The following TAF1B variants were observed in gnomAD, a reference collection of about 807,000 sequenced individuals.
TAF1B encodes TATA-box binding protein associated factor, RNA polymerase I subunit B.
In TAF1B, 61 loss-of-function variants were observed where a neutral mutation model predicts 83.9. The observed-to-expected ratio is 0.73, with a 90% CI of 0.59 to 0.90. The LOEUF (loss-of-function observed/expected upper bound fraction) is 0.90, where lower values mean the gene tolerates loss of function less well. Ranked by LOEUF, TAF1B falls within the 40% of genes least tolerant of loss-of-function variation. The probability of loss-of-function intolerance (pLI) is 0.00; values close to 1 mark genes in which losing one functional copy is unlikely to be tolerated. For missense variants in TAF1B, 625 were observed against 677.0 expected (o/e 0.92, Z 0.85); for synonymous variants, 221 against 224.6 (o/e 0.98, Z 0.14).
chr2:9,877,943 C>G (rs772759761), intron 7 of TAF1B, among the ~76,000 whole-genome samples: 6 of 151,950 alleles, frequency 3.9e-5, no homozygotes, highest in Non-Finnish European at 8.8e-5. Flanking sequence ...TTGTTTTGCT[C>G]TGTGGAATAC....
intron 14 of TAF1B, among the ~76,000 whole-genome samples, chr2:9,921,089 AC>A (rs1665864637): frequency 6.6e-6 from 1 of 152,174 alleles, no homozygotes; most frequent in African/African-American, 2.4e-5. Flanking sequence ...TTGGAATAAT[AC>A]AGTGTAAATT....
At chr2:9,890,554 CT>C (rs1190651207) in intron 8 of TAF1B, among the ~76,000 whole-genome samples, 5 of 152,064 alleles carry the variant, frequency 3.3e-5, no homozygotes, top group South Asian at 2.1e-4. Context: ...ATCTTTTCCC[CT>C]AAATACCTGC....
chr2:9,865,144 C>G, intron 5 of TAF1B, among the ~76,000 whole-genome samples: 1 of 152,190 alleles, frequency 6.6e-6, no homozygotes, highest in Non-Finnish European at 1.5e-5. Flanking sequence ...AAGAGGAAGT[C>G]AAATTGTCCC....
intron 14 of TAF1B, among the ~76,000 whole-genome samples, chr2:9,930,721 C>G (rs752826937): frequency 2.6e-5 from 4 of 152,130 alleles, no homozygotes; most frequent in Non-Finnish European, 5.9e-5. Context: ...GGATATCTAT[C>G]CTTGTTAACC....
At chr2:9,877,018 A>G (rs1298784142) in intron 7 of TAF1B, among the ~76,000 whole-genome samples, 1 of 152,188 alleles carries the variant, frequency 6.6e-6, no homozygotes, top group Non-Finnish European at 1.5e-5. Flanking sequence ...GAATTTGGCC[A>G]CATCAACCAA....
intron 6 of TAF1B, among the ~76,000 whole-genome samples, chr2:9,873,975 C>A (rs1664248006): frequency 6.6e-6 from 1 of 152,010 alleles, no homozygotes. Context: ...TTAAAACTCT[C>A]CAGAAACTTC....
chr2:9,865,103 GA>G (rs1663926370), intron 5 of TAF1B, among the ~76,000 whole-genome samples: 1 of 152,156 alleles, frequency 6.6e-6, no homozygotes, highest in South Asian at 2.1e-4. Context: ...AATCAGGCAG[GA>G]GAAGGAAATA....
At chr2:9,854,857 G>T (rs1043891776) in intron 5 of TAF1B, among the ~76,000 whole-genome samples, 5 of 152,066 alleles carry the variant, frequency 3.3e-5, no homozygotes, top group African/African-American at 1.2e-4. Flanking sequence ...ATAAAATCTG[G>T]GTATTCTCCC....
At chr2:9,868,767 T>C (rs1356863173) in intron 6 of TAF1B, 2 of 486,168 alleles carry the variant, frequency 4.1e-6, no homozygotes, top group Non-Finnish European at 8.3e-6. Context: ...AAAAATGTTA[T>C]TATGTAGCCA....
intron 6 of TAF1B, among the ~76,000 whole-genome samples, chr2:9,869,334 C>T (rs1344393072): frequency 6.6e-6 from 1 of 151,948 alleles, no homozygotes. Flanking sequence ...ACGTGATTCT[C>T]CTACCTCAGC....
At chr2:9,884,418 G>A (rs963937349) in intron 8 of TAF1B, among the ~76,000 whole-genome samples, 1 of 152,210 alleles carries the variant, frequency 6.6e-6, no homozygotes, top group African/African-American at 2.4e-5. Flanking sequence ...TTGCCATTCT[G>A]TGCGTCCTGA....
intron 3 of TAF1B, among the ~76,000 whole-genome samples, chr2:9,850,628 G>C (rs1184524080): frequency 6.6e-6 from 1 of 152,166 alleles, no homozygotes; most frequent in African/African-American, 2.4e-5. Flanking sequence ...GCAGAGAAGA[G>C]ATCTTGAAGT....
intron 8 of TAF1B, among the ~76,000 whole-genome samples, chr2:9,903,234 C>T (rs1429653149): frequency 3.9e-5 from 6 of 152,030 alleles, no homozygotes; most frequent in Admixed American, 2.0e-4. Flanking sequence ...TACAGGCGCC[C>T]GCCACCATGC....
chr2:9,855,372 A>G (rs965122490), intron 5 of TAF1B, among the ~76,000 whole-genome samples: 1 of 152,154 alleles, frequency 6.6e-6, no homozygotes, highest in Admixed American at 6.5e-5. Context: ...TGTAAGCTGA[A>G]ACTATCATTA....
chr2:9,858,175 G>T (rs1048177408), intron 5 of TAF1B, among the ~76,000 whole-genome samples: 2 of 152,194 alleles, frequency 1.3e-5, no homozygotes, highest in African/African-American at 2.4e-5. Context: ...CAGGCATTGG[G>T]TAAATGTTCC....
chr2:9,933,033 G>A (rs922946763), intron 14 of TAF1B, among the ~76,000 whole-genome samples: 8 of 152,220 alleles, frequency 5.3e-5, no homozygotes, highest in East Asian at 1.9e-4. Flanking sequence ...TTGGAAAAGC[G>A]CAGTATTTGG....
intron 8 of TAF1B, among the ~76,000 whole-genome samples, chr2:9,896,386 A>T (rs1665017399): frequency 6.6e-6 from 1 of 152,188 alleles, no homozygotes; most frequent in Non-Finnish European, 1.5e-5. Context: ...CTTTTCATTA[A>T]CAAAGGAAGC....
chr2:9,912,885 T>C (rs1028017257), intron 11 of TAF1B, among the ~76,000 whole-genome samples: 3 of 152,248 alleles, frequency 2.0e-5, no homozygotes, highest in Non-Finnish European at 4.4e-5. Context: ...ACAATTATCA[T>C]ATTGACCAGT....
At chr2:9,899,068 A>G (rs1468909899) in intron 8 of TAF1B, among the ~76,000 whole-genome samples, 4 of 151,842 alleles carry the variant, frequency 2.6e-5, no homozygotes, top group Admixed American at 6.6e-5. Context: ...TATTAAGTGT[A>G]TTTATATTTT....
Sources: gnomAD v4.1 joint callset for allele counts (sites outside exome capture counted in the v4.1 genomes callset) on GRCh38, gnomAD v4.1.1 for gene constraint, MANE v1.5 for transcripts, NCBI Gene and HGNC (gene_info 2026-07-23, HGNC 2026-07-21) for gene names.